The following SAMD12 variants were observed in gnomAD, a reference collection of about 807,000 sequenced individuals.
SAMD12 encodes the protein sterile alpha motif domain-containing protein 12.
SAMD12 carries 9 observed loss-of-function variants against 15.0 expected under a neutral mutation model. The ratio of observed to expected loss-of-function variants is 0.60; its 90% CI spans 0.36 to 1.05. The LOEUF is 1.05. SAMD12 is among the 50% of genes least tolerant of loss of function. The pLI is 0.01. For missense variants in SAMD12, 230 were observed against 234.2 expected, an observed-to-expected ratio of 0.98 and a Z score of 0.12; for synonymous variants, 86 against 90.1, an observed-to-expected ratio of 0.96 and a Z score of 0.25.
chr8:118,409,077 A>G (rs1469075820), intron 3 of SAMD12, among the ~76,000 whole-genome samples: 1 of 152,086 alleles, frequency 6.6e-6, no homozygotes, highest in Non-Finnish European at 1.5e-5. Flanking sequence ...AAAAAATTCA[A>G]TTATTTATGG....
intron 3 of SAMD12, among the ~76,000 whole-genome samples, chr8:118,405,738 C>A (rs1248474528): frequency 6.6e-6 from 1 of 151,970 alleles, no homozygotes; most frequent in Non-Finnish European, 1.5e-5. Flanking sequence ...AAAGATAAAC[C>A]ATTTTGTCCT....
chr8:118,548,797 ACCTG>A (rs1826221797), intron 2 of SAMD12, among the ~76,000 whole-genome samples: 1 of 152,250 alleles, frequency 6.6e-6, no homozygotes, highest in Admixed American at 6.5e-5. Context: ...GACAGACGGC[ACCTG>A]GAAAATCGGG....
At chr8:118,197,185 G>C (rs2129755531) in exon 5 of SAMD12, 1 of 155,336 alleles carries the variant, frequency 6.4e-6, no homozygotes, top group East Asian at 1.9e-4. Context: ...CTCATATAAA[G>C]TGCTTAAGAG....
chr8:118,605,110 C>G (rs1302616430), intron 1 of SAMD12, among the ~76,000 whole-genome samples: 1 of 152,126 alleles, frequency 6.6e-6, no homozygotes, highest in Non-Finnish European at 1.5e-5. Context: ...TGGTCCAACA[C>G]AGATACGCCT....
chr8:118,396,536 T>C (rs182399318), intron 3 of SAMD12, among the ~76,000 whole-genome samples: 56 of 152,304 alleles, frequency 3.7e-4, no homozygotes, highest in African/African-American at 1.3e-3. Flanking sequence ...TAGATATTCA[T>C]TAAAGTTTTC....
At chr8:118,578,574 C>A (rs1171301442) in intron 2 of SAMD12, among the ~76,000 whole-genome samples, 1 of 152,126 alleles carries the variant, frequency 6.6e-6, no homozygotes, top group African/African-American at 2.4e-5. Context: ...AGACGGCTTA[C>A]AACTCTACCA....
chr8:118,153,803 T>C, the SAMD12 span, among the ~76,000 whole-genome samples: 3 of 152,182 alleles, frequency 2.0e-5, no homozygotes, highest in Admixed American at 6.5e-5. Context: ...ATCTACCTTC[T>C]TGTTTCTTAC....
At chr8:118,410,962 A>G (rs1000060290) in intron 3 of SAMD12, among the ~76,000 whole-genome samples, 1 of 152,204 alleles carries the variant, frequency 6.6e-6, no homozygotes, top group Non-Finnish European at 1.5e-5. Flanking sequence ...AAGATGAGAA[A>G]AACTTGAGGA....
At chr8:118,491,484 T>C (rs1017521894) in intron 2 of SAMD12, among the ~76,000 whole-genome samples, 3 of 152,310 alleles carry the variant, frequency 2.0e-5, no homozygotes, top group Non-Finnish European at 2.9e-5. Flanking sequence ...TTTTTATTTT[T>C]AGGTAAAATT....
intron 4 of SAMD12, among the ~76,000 whole-genome samples, chr8:118,232,156 C>T (rs1034065291): frequency 1.3e-5 from 2 of 152,152 alleles, no homozygotes; most frequent in African/African-American, 2.4e-5. Context: ...GAGGATAAGA[C>T]AGGCCTCCTC....
At chr8:118,155,844 C>T in the SAMD12 span, among the ~76,000 whole-genome samples, 26 of 152,244 alleles carry the variant, frequency 1.7e-4, no homozygotes, top group African/African-American at 5.8e-4. Context: ...GGTGAAGCAG[C>T]CTGGAATTTT....
At chr8:118,375,433 T>C (rs1414426160), downstream of SAMD12, among the ~76,000 whole-genome samples, 1 of 152,172 alleles carries the variant, frequency 6.6e-6, no homozygotes, top group Non-Finnish European at 1.5e-5. Flanking sequence ...GTGGGTAAGT[T>C]GTATGTTATG....
At chr8:118,339,535 C>T (rs1350192668) in intron 4 of SAMD12, among the ~76,000 whole-genome samples, 1 of 152,188 alleles carries the variant, frequency 6.6e-6, no homozygotes, top group African/African-American at 2.4e-5. Flanking sequence ...GGTGTCTATC[C>T]TAAATCTTTT....
At chr8:118,395,762 T>A (rs1050284906) in intron 3 of SAMD12, among the ~76,000 whole-genome samples, 1 of 151,992 alleles carries the variant, frequency 6.6e-6, no homozygotes, top group Non-Finnish European at 1.5e-5. Context: ...ATTGAGACCA[T>A]CCCGGCTAAC....
Position 118,214,007 on chromosome 8 carries a change from C to G in SAMD12, c.434-16275G>C, listed in dbSNP as rs143474463. ...TCCCATAAACACACAAGGTCTTGTA[C>G]CCTACTTGGAAATTGAGAGTAGAGT... is the stretch of plus-strand genomic sequence containing the variant. On this transcript the variant is annotated intron_variant, in intron 4 of 4. Transcript: ENST00000409003. Among the ~76,000 whole-genome samples the G allele has an allele frequency of 3.3e-3, 501 of 152,268 alleles. 2 individuals carry two copies. The highest frequency in any genetic ancestry group is 0.011 in the African/African-American group (441 of 41,548).
exon 5 of SAMD12, chr8:118,197,606 G>T: frequency 1.0e-6 from 1 of 982,940 alleles, no homozygotes; most frequent in East Asian, 2.4e-5. Flanking sequence ...ATCTGTCCAC[G>T]ATCCAAGGAT....
intron 2 of SAMD12, among the ~76,000 whole-genome samples, chr8:118,450,069 C>T (rs1481984900): frequency 1.3e-5 from 2 of 152,138 alleles, no homozygotes; most frequent in Non-Finnish European, 2.9e-5. Context: ...AGATACAGTG[C>T]AGCTTCCCCA....
intron 4 of SAMD12, among the ~76,000 whole-genome samples, chr8:118,264,698 C>G (rs981723906): frequency 2.6e-5 from 4 of 152,058 alleles, no homozygotes; most frequent in Non-Finnish European, 5.9e-5. Context: ...CAAGGCACAC[C>G]AAAGGTTACA....
intron 2 of SAMD12, among the ~76,000 whole-genome samples, chr8:118,512,094 T>C (rs141203059): frequency 0.011 from 1,613 of 152,280 alleles, 29 homozygotes; most frequent in African/African-American, 0.035. Context: ...CATTTGGAAA[T>C]AGGATCTATA....
Sources: allele counts gnomAD v4.1 joint callset (sites outside exome capture counted in the v4.1 genomes callset), GRCh38; gene constraint gnomAD v4.1.1; transcripts MANE v1.5; gene names NCBI Gene and HGNC (gene_info 2026-07-23, HGNC 2026-07-21).